Variants in RCAN2 observed in about 807,000 individuals in gnomAD.
The protein encoded by RCAN2 is calcipressin-2.
RCAN2 carries 9 observed loss-of-function variants against 23.6 expected under a neutral mutation model. The observed-to-expected ratio is 0.38, with a 90% confidence interval of 0.23 to 0.67. The LOEUF (loss-of-function observed/expected upper bound fraction) is 0.67. Ranked by LOEUF, RCAN2 falls within the 30% of genes least tolerant of loss-of-function variation. RCAN2 has a pLI of 0.51. For synonymous variants in RCAN2, 109 were observed against 115.7 expected (o/e 0.94, Z 0.37); for missense variants, 273 against 302.3 (o/e 0.90, Z 0.72).
At chr6:46,325,936 G>A (rs1763783624) in intron 2 of RCAN2, 2 of 966,636 alleles carry the variant, frequency 2.1e-6, no homozygotes, top group African/African-American at 1.8e-5. Context: ...TCTTTGAGGT[G>A]GGGGAGGTGT....
At chr6:46,355,318 G>A (rs1466989125) in intron 2 of RCAN2, among the ~76,000 whole-genome samples, 3 of 152,148 alleles carry the variant, frequency 2.0e-5, no homozygotes, top group Admixed American at 6.5e-5. Context: ...AGTGGCTCAT[G>A]GATCACTAGT....
At chr6:46,435,539 C>A (rs1767339591) in intron 2 of RCAN2, among the ~76,000 whole-genome samples, 2 of 152,198 alleles carry the variant, frequency 1.3e-5, no homozygotes, top group African/African-American at 4.8e-5. Context: ...AGTAATTGGA[C>A]CTGCTTAAAT....
intron 2 of RCAN2, 125 bp downstream of exon 2, chr6:46,456,627 G>A: frequency 1.5e-6 from 1 of 682,828 alleles, no homozygotes; most frequent in Non-Finnish European, 2.5e-6. Context: ...TGGTACACAT[G>A]CCAAAAATAG....
In RCAN2 at chr6:46,324,861, G is replaced by A. The variant is rs560576665; in HGVS notation, c.226-75965C>T. On this transcript the variant is annotated intron_variant, in intron 2 of 4. Transcript: ENST00000371374. ...TCTTTGCCTGACAAAGAAAATTTAG[G>A]CAGCTGTTCTCCAACTTTGATTTCC... Among the ~76,000 whole-genome samples the A allele has an allele frequency of 3.9e-5, 6 of 152,350 alleles. No homozygotes were observed. The South Asian group carries it at 1.2e-3, about 32-fold the overall frequency.
intron 4 of RCAN2, among the ~76,000 whole-genome samples, chr6:46,235,185 A>G (rs753765746): frequency 3.3e-5 from 5 of 152,234 alleles, no homozygotes. Context: ...ACAGAGCTAC[A>G]TGTCTATGTA....
At chr6:46,225,819 G>A (rs1162609345) in intron 4 of RCAN2, among the ~76,000 whole-genome samples, 1 of 152,152 alleles carries the variant, frequency 6.6e-6, no homozygotes, top group Non-Finnish European at 1.5e-5. Flanking sequence ...TTTGGCTTTT[G>A]TTGCCATTGC....
At chr6:46,249,002 A>G (rs1342653326) in intron 2 of RCAN2, 106 bp from the exon 3 acceptor site, 2 of 773,452 alleles carry the variant, frequency 2.6e-6, no homozygotes, top group Non-Finnish European at 4.0e-6. Context: ...TGTTAATAAC[A>G]TATGGTTTAA....
intron 2 of RCAN2, among the ~76,000 whole-genome samples, chr6:46,264,211 A>C (rs1193347471): frequency 6.6e-6 from 1 of 152,246 alleles, no homozygotes; most frequent in Non-Finnish European, 1.5e-5. Context: ...GTTTAATGTT[A>C]AATTAAAGGG....
Position 46,226,784 on chromosome 6 carries a change from T to G in RCAN2, c.572-3483A>C, listed in dbSNP as rs1286616617. On this transcript the variant is annotated intron_variant, in intron 4 of 4. Coordinates refer to ENST00000371374, the MANE Select transcript of RCAN2 (RefSeq NM_001251974.2). ...TAATTGAATACCCTTTATTTCTTTC[T>G]CCTGCCTGATTGCCCTAGCCAGAAC... is the stretch of plus-strand genomic sequence containing the variant. Among the ~76,000 whole-genome samples the G allele has an allele frequency of 2.6e-5, 4 of 152,334 alleles. No homozygotes were observed. The East Asian group carries it at 7.7e-4, about 29-fold the overall frequency.
chr6:46,263,654 G>C (rs1370267058), intron 2 of RCAN2, among the ~76,000 whole-genome samples: 1 of 149,796 alleles, frequency 6.7e-6, no homozygotes, highest in African/African-American at 2.5e-5. Flanking sequence ...AGTGGCAATG[G>C]AAGACTTCAG....
intron 4 of RCAN2, among the ~76,000 whole-genome samples, chr6:46,226,163 G>A (rs1008266976): frequency 2.0e-5 from 3 of 152,200 alleles, no homozygotes; most frequent in African/African-American, 4.8e-5. Context: ...TTTGGTACCA[G>A]TACCGTGCTA....
At chr6:46,434,186 C>G (rs1425815081) in intron 2 of RCAN2, among the ~76,000 whole-genome samples, 1 of 152,204 alleles carries the variant, frequency 6.6e-6, no homozygotes, top group Non-Finnish European at 1.5e-5. Flanking sequence ...TCCTAGGATA[C>G]TGAATATTAC....
At chr6:46,257,273 C>T (rs1766951165) in intron 2 of RCAN2, among the ~76,000 whole-genome samples, 1 of 152,152 alleles carries the variant, frequency 6.6e-6, no homozygotes, top group Admixed American at 6.5e-5. Flanking sequence ...CTAAATCAGA[C>T]AGGTGGCAGA....
intron 2 of RCAN2, among the ~76,000 whole-genome samples, chr6:46,321,609 C>T (rs905704305): frequency 1.3e-5 from 2 of 152,202 alleles, no homozygotes; most frequent in Admixed American, 6.5e-5. Context: ...GAGAAGGAAC[C>T]CACCCTTTCT....
intron 2 of RCAN2, among the ~76,000 whole-genome samples, chr6:46,379,457 T>C (rs192549026): frequency 6.6e-6 from 1 of 152,324 alleles, no homozygotes; most frequent in Admixed American, 6.5e-5. Flanking sequence ...ATGCTCCAGA[T>C]AAATGAATTG....
chr6:46,331,125 G>T (rs762541868), intron 2 of RCAN2, among the ~76,000 whole-genome samples: 1 of 152,092 alleles, frequency 6.6e-6, no homozygotes, highest in Non-Finnish European at 1.5e-5. Context: ...CTACTATTTA[G>T]TTACTTTGAG....
At chr6:46,387,528 A>C (rs1396642971) in intron 2 of RCAN2, among the ~76,000 whole-genome samples, 1 of 152,244 alleles carries the variant, frequency 6.6e-6, no homozygotes, top group Non-Finnish European at 1.5e-5. Context: ...GCCATCAGAG[A>C]AATGCATATG....
rs1178818844 is a variant in RCAN2, at chr6:46,253,615, A to G, written c.226-4719T>C. On this transcript the variant is annotated intron_variant, in intron 2 of 4. Transcript: ENST00000371374. ...AAAAATGAATAAAACTTACTGCCTTATCAAGGACATTTCTAAGTAAAATTG... is the reference window on the plus strand; with the variant it reads ...AAAAATGAATAAAACTTACTGCCTTGTCAAGGACATTTCTAAGTAAAATTG... Among the ~76,000 whole-genome samples the G allele has an allele frequency of 2.0e-5, 3 of 152,356 alleles. No homozygotes were observed. In the East Asian group the frequency reaches 5.8e-4, roughly 29 times the overall value.
At position 46,224,104 on chromosome 6, in the gene RCAN2, G is replaced by A. The variant is rs149871215; in HGVS notation, c.572-803C>T. Reference sequence around the variant, plus strand: ...GCACTATGGTGGCAATGTATGTTAAGGACTATGGCATCAAATGGTAAGTAA... The same window carrying A: ...GCACTATGGTGGCAATGTATGTTAAAGACTATGGCATCAAATGGTAAGTAA... On this transcript the variant is annotated intron_variant, in intron 4 of 4. Transcript: ENST00000371374. Among the ~76,000 whole-genome samples the A allele has an allele frequency of 4.1e-3, 622 of 152,252 alleles. 2 individuals are homozygous for A. Among genetic ancestry groups the A allele is most frequent in the Non-Finnish European group, 6.4e-3 (438 of 68,022 alleles).
Sources: gnomAD v4.1 joint callset for allele counts (sites outside exome capture counted in the v4.1 genomes callset) on GRCh38, gnomAD v4.1.1 for gene constraint, MANE v1.5 for transcripts, NCBI Gene and HGNC (gene_info 2026-07-23, HGNC 2026-07-21) for gene names.